The following ADAMTS15 variants were observed in gnomAD, a reference collection of about 807,000 sequenced individuals.
ADAMTS15 encodes ADAM metallopeptidase with thrombospondin type 1 motif 15.
A neutral mutation model predicts 79.1 loss-of-function variants in ADAMTS15; 35 were observed. The ratio of observed to expected loss-of-function variants is 0.44; its 90% CI spans 0.34 to 0.59. The LOEUF is 0.59. ADAMTS15 is among the 20% of genes least tolerant of loss of function. ADAMTS15 has a pLI of 0.02. For missense variants in ADAMTS15, 1,324 were observed against 1,318.7 expected (o/e 1.00, Z -0.06); for synonymous variants, 616 against 567.3 (o/e 1.09, Z -1.22).
intron 1 of ADAMTS15, among the ~76,000 whole-genome samples, chr11:130,455,415 A>G (rs1938056031): frequency 6.6e-6 from 1 of 152,208 alleles, no homozygotes; most frequent in Admixed American, 6.5e-5. Context: ...TGCTAATCCC[A>G]CTGATCTGTA....
In ADAMTS15 at chr11:130,461,606, A is replaced by G. The variant is rs1448925522; in HGVS notation, c.1075A>G (p.Thr359Ala). 1 of 1,613,954 alleles carries G rather than the reference A, an allele frequency of 6.2e-7. No homozygotes were observed. The highest frequency in any genetic ancestry group is 2.2e-5 in the East Asian group (1 of 44,874). ...EDDGLPSAFT[T>A]AHELGHVFNM... Reference sequence around the variant, plus strand: ...CGATGGGCTTCCATCAGCCTTCACCACTGCCCACGAGCTGGGTAAGGCTGG... The same window carrying G: ...CGATGGGCTTCCATCAGCCTTCACCGCTGCCCACGAGCTGGGTAAGGCTGG... The change falls in exon 2 of 8, where the codon ACT (threonine) becomes GCT (alanine). Residue 359 changes from threonine to alanine, a missense_variant. Transcript: ENST00000299164.
At chr11:130,452,212 A>T (rs1937977026) in intron 1 of ADAMTS15, among the ~76,000 whole-genome samples, 1 of 152,190 alleles carries the variant, frequency 6.6e-6, no homozygotes, top group Admixed American at 6.5e-5. Flanking sequence ...GTCTCCGGGA[A>T]CCTTAACTGC....
chr11:130,449,086 G>A lies in ADAMTS15; in HGVS notation c.113G>A (p.Arg38His). 6.3e-7 allele frequency: 1 copy of A among 1,579,884 alleles called. No individual in the cohort carries two copies. The highest frequency in any genetic ancestry group is 1.1e-5 in the South Asian group (1 of 87,238). ...PIRLDPDING[R>H]RYYWRGPEDS... ...CGACTGGACCCGGACATTAACGGCC[G>A]CCGCTACTACTGGCGGGGTCCCGAG... The change falls in exon 1 of 8, where the codon CGC (arginine) becomes CAC (histidine). Residue 38 changes from arginine to histidine, a missense_variant. Coordinates refer to ENST00000299164, the MANE Select transcript of ADAMTS15 (RefSeq NM_139055.4). This position sits in a 1 kb window ranked among gnomAD's most constrained non-coding sequence, Gnocchi z 7.8.
chr11:130,461,360 G>T, intron 1 of ADAMTS15, 129 bp from the exon 2 acceptor site: 1 of 1,327,062 alleles, frequency 7.5e-7, no homozygotes, highest in Non-Finnish European at 1.0e-6. Context: ...CAGCTGGAAG[G>T]TGCTGGGCCT....
intron 1 of ADAMTS15, among the ~76,000 whole-genome samples, chr11:130,456,738 G>A (rs897772518): frequency 2.0e-5 from 3 of 152,126 alleles, no homozygotes; most frequent in Non-Finnish European, 4.4e-5. Flanking sequence ...AATAGCCATG[G>A]GGACTGGGGT....
intron 4 of ADAMTS15, among the ~76,000 whole-genome samples, chr11:130,468,460 G>T (rs868136328): frequency 6.6e-6 from 1 of 151,494 alleles, no homozygotes; most frequent in African/African-American, 2.4e-5. Flanking sequence ...GTGAAACCTC[G>T]TCTCTATTAA....
Position 130,462,866 on chromosome 11 carries a change from G to C in ADAMTS15, c.1542+86G>C, listed in dbSNP as rs1938232274. The C allele has an allele frequency of 6.6e-7, 1 of 1,514,082 alleles. No homozygotes were observed. Among genetic ancestry groups the C allele is most frequent in the Admixed American group, 2.1e-5 (1 of 48,702 alleles). 93.8% of individuals were successfully genotyped at this position (1,514,082 alleles called of 1,614,324 possible). On this transcript the variant is annotated intron_variant, in intron 4 of 7. Transcript: ENST00000299164. This position sits in a 1 kb window ranked among gnomAD's most constrained non-coding sequence, Gnocchi z 4.3. ...CCTCGTCTGCCCTTGGTCTTCACCAGGAAGGTGCCTATCACAGACTGGCCA... is the reference window on the plus strand; with the variant it reads ...CCTCGTCTGCCCTTGGTCTTCACCACGAAGGTGCCTATCACAGACTGGCCA...
chr11:130,466,707 C>T lies in ADAMTS15; in HGVS notation c.1543-2555C>T, dbSNP rs149744505. Among the ~76,000 whole-genome samples, 33 of 152,326 alleles carry T rather than the reference C, an allele frequency of 2.2e-4. No homozygotes were observed. In the East Asian group the frequency reaches 4.4e-3, roughly 20 times the overall value. On this transcript the variant is annotated intron_variant, in intron 4 of 7. Transcript: ENST00000299164. The stretch of plus-strand genomic sequence containing the variant: ...CCGCCATGGCAGCTCTTTTGGAATG[C>T]ACCTTAGGTTATGCCACTTCTCTGC...
intron 4 of ADAMTS15, among the ~76,000 whole-genome samples, chr11:130,468,558 G>C: frequency 6.6e-6 from 1 of 152,064 alleles, no homozygotes; most frequent in Non-Finnish European, 1.5e-5. Context: ...GAGGTCAGGA[G>C]ATCGAGACCT....
At chr11:130,459,275 G>A (rs534122000) in intron 1 of ADAMTS15, among the ~76,000 whole-genome samples, 4 of 152,168 alleles carry the variant, frequency 2.6e-5, no homozygotes, top group Admixed American at 2.6e-4. Context: ...CAGGAGAATC[G>A]CTTGAACCTG....
chr11:130,449,300 C>G lies in ADAMTS15; in HGVS notation c.327C>G (p.Ala109=). 1 of 1,611,304 alleles carries G rather than the reference C, an allele frequency of 6.2e-7. No homozygotes were observed. The highest frequency in any genetic ancestry group is 8.5e-7 in the Non-Finnish European group (1 of 1,180,026). The part of the protein sequence containing the change: ...RRCFYSGDVN[A]EPDSFAAVSL... ...GCTTCTATTCTGGGGACGTGAACGC[C>G]GAGCCGGACTCGTTCGCTGCTGTGA... The change falls in exon 1 of 8, where the codon GCC becomes GCG. Residue 109 remains alanine (A), a synonymous_variant. Transcript: ENST00000299164. This position sits in a 1 kb window ranked among gnomAD's most constrained non-coding sequence, Gnocchi z 7.8.
intron 1 of ADAMTS15, among the ~76,000 whole-genome samples, chr11:130,452,433 A>G (rs1284215372): frequency 6.6e-6 from 1 of 152,120 alleles, no homozygotes; most frequent in African/African-American, 2.4e-5. Context: ...ATTTATTTCT[A>G]TGAGGAGAAA....
intron 7 of ADAMTS15, among the ~76,000 whole-genome samples, 161 bp downstream of exon 7, chr11:130,471,544 CTCACTCATTCAT>C (rs1333537194): frequency 6.6e-6 from 1 of 151,974 alleles, no homozygotes; most frequent in Non-Finnish European, 1.5e-5. Context: ...TAGTCCTTCA[CTCACTCATTCAT>C]TCACTCATTC....
intron 4 of ADAMTS15, among the ~76,000 whole-genome samples, chr11:130,467,939 G>A (rs116742262): frequency 0.017 from 2,617 of 152,224 alleles, 75 homozygotes; most frequent in African/African-American, 0.059. Context: ...CCTGATCGAG[G>A]TTAAGATCAG....
In ADAMTS15 at chr11:130,462,873, G is replaced by A. The variant is rs1938232311; in HGVS notation, c.1542+93G>A. On this transcript the variant is annotated intron_variant, in intron 4 of 7. Coordinates refer to ENST00000299164, the MANE Select transcript of ADAMTS15 (RefSeq NM_139055.4). The surrounding 1 kb of genome is among the most constrained non-coding windows in gnomAD (Gnocchi z 4.3). ...TGCCCTTGGTCTTCACCAGGAAGGTGCCTATCACAGACTGGCCACGGGACC... is the reference window on the plus strand; with the variant it reads ...TGCCCTTGGTCTTCACCAGGAAGGTACCTATCACAGACTGGCCACGGGACC... 6.6e-7 allele frequency: 1 copy of A among 1,504,696 alleles called. No homozygotes were observed. The allele number at this position is 1,504,696 out of a possible 1,614,324, so 93.2% of individuals were successfully genotyped here. A position where few individuals can be genotyped will look rare whatever the true frequency, so the allele number is the denominator to read the frequency against.
chr11:130,450,852 G>A (rs1002564358), intron 1 of ADAMTS15, among the ~76,000 whole-genome samples: 2 of 152,200 alleles, frequency 1.3e-5, no homozygotes, highest in Non-Finnish European at 2.9e-5. Flanking sequence ...TGCCCTTGCT[G>A]GGGTGGAAGT....
Position 130,471,466 on chromosome 11 carries a change from A to C in ADAMTS15, c.2078+83A>C, listed in dbSNP as rs1592151360. The C allele has an allele frequency of 3.3e-6, 5 of 1,495,942 alleles. No homozygotes were observed. The East Asian group carries it at 1.2e-4, about 35-fold the overall frequency. The allele number at this position is 1,495,942 out of a possible 1,614,324, so 92.7% of individuals were successfully genotyped here. On this transcript the variant is annotated intron_variant, in intron 7 of 7. Transcript: ENST00000299164. ...CCAGGGTATTGGAAGCTTGGGTTAG[A>C]CTGGGGTAAATGTCAGATCCAGCCA...
Position 130,473,484 on chromosome 11 carries a change from C to G in ADAMTS15, c.2516C>G (p.Pro839Arg). ...SNQVEQPDDR[P>R]PARWVAGSWG... ...CAGGTGGAGCAGCCGGACGACAGGC[C>G]CCCTGCACGCTGGGTGGCTGGCAGC... Residue 839 changes from proline to arginine, a missense_variant, in exon 8 of 8, where the codon CCC (proline) becomes CGC (arginine). Coordinates refer to ENST00000299164, the MANE Select transcript of ADAMTS15 (RefSeq NM_139055.4). The G allele has an allele frequency of 6.2e-7, 1 of 1,611,228 alleles. No homozygotes were observed. The highest frequency in any genetic ancestry group is 8.5e-7 in the Non-Finnish European group (1 of 1,178,862).
At chr11:130,471,540 T>TTCAC (rs559036358) in intron 7 of ADAMTS15, among the ~76,000 whole-genome samples, 157 bp downstream of exon 7, 1 of 152,140 alleles carries the variant, frequency 6.6e-6, no homozygotes, top group Non-Finnish European at 1.5e-5. Flanking sequence ...CTGCTAGTCC[T>TTCAC]TCACTCACTC....
Sources: gnomAD v4.1 joint callset for allele counts (sites outside exome capture counted in the v4.1 genomes callset) on GRCh38, gnomAD v4.1.1 for gene constraint, Gnocchi (gnomAD v3.1) non-coding constraint, MANE v1.5 for transcripts, NCBI Gene and HGNC (gene_info 2026-07-23, HGNC 2026-07-21) for gene names.